ACVR1: variants seen among roughly 807,000 people sequenced by gnomAD.
ACVR1 encodes the protein activin receptor type-1.
A neutral mutation model predicts 57.1 loss-of-function variants in ACVR1; 38 were observed. The observed-to-expected ratio is 0.67, with a 90% confidence interval of 0.51 to 0.87. ACVR1 has a LOEUF of 0.87. Ranked by LOEUF, ACVR1 falls within the 40% of genes least tolerant of loss-of-function variation. The probability of loss-of-function intolerance (pLI) is 0.00; values close to 1 mark genes in which losing one functional copy is unlikely to be tolerated. For synonymous variants in ACVR1, 212 were observed against 228.1 expected (o/e 0.93, Z 0.63); for missense variants, 463 against 638.2 (o/e 0.73, Z 2.96).
At chr2:157,750,855 A>C (rs1037682503) in intron 9 of ACVR1, among the ~76,000 whole-genome samples, 2 of 152,174 alleles carry the variant, frequency 1.3e-5, no homozygotes, top group Non-Finnish European at 2.9e-5. Context: ...AAATTGGAAA[A>C]ACAATTCACG....
chr2:157,848,782 T>C lies in ACVR1; in HGVS notation c.-183+27014A>G, dbSNP rs547123355. Among the ~76,000 whole-genome samples the C allele has an allele frequency of 1.1e-4, 16 of 152,264 alleles. No individual in the cohort carries two copies. The South Asian group carries it at 3.3e-3, about 32-fold the overall frequency. On this transcript the variant is annotated intron_variant, in intron 1 of 10. Transcript: ENST00000434821. ...CAGTTTAATATTTCTTGTATCTATA[T>C]AATGGTGAGCAGTTGATGGTTGAAA...
intron 1 of ACVR1, among the ~76,000 whole-genome samples, chr2:157,840,503 T>C (rs1181170830): frequency 6.6e-6 from 1 of 152,094 alleles, no homozygotes; most frequent in Non-Finnish European, 1.5e-5. Context: ...CCATATACCT[T>C]AATGTGAGCT....
Position 157,813,191 on chromosome 2 carries a change from G to GA in ACVR1, c.-8+5193dup, listed in dbSNP as rs903899706. Among the ~76,000 whole-genome samples, 86 of 140,124 alleles carry GA rather than the reference G, an allele frequency of 6.1e-4. 1 individual carries two copies. The highest frequency in any genetic ancestry group is 6.9e-4 in the Non-Finnish European group (44 of 63,690). The allele number at this position is 140,124 out of a possible 152,430, so 91.9% of individuals were successfully genotyped here. A position where few individuals can be genotyped will look rare whatever the true frequency, so the allele number is the denominator to read the frequency against. On this transcript the variant is annotated intron_variant, in intron 2 of 10. Transcript: ENST00000434821. ...ATGGGGAGACTTACCCCATGAAAAAGAAAAAAAAAAACTAAGCCTCAAAAG... is the reference window on the plus strand; with the variant it reads ...ATGGGGAGACTTACCCCATGAAAAAGAAAAAAAAAAAACTAAGCCTCAAAAG...
At chr2:157,843,712 C>G (rs1325853034) in intron 1 of ACVR1, among the ~76,000 whole-genome samples, 1 of 152,076 alleles carries the variant, frequency 6.6e-6, no homozygotes, top group East Asian at 1.9e-4. Flanking sequence ...CTAGGCCAAC[C>G]CTGCAATAGA....
intron 1 of ACVR1, among the ~76,000 whole-genome samples, chr2:157,831,478 G>T (rs1559083230): frequency 6.6e-6 from 1 of 151,938 alleles, no homozygotes; most frequent in African/African-American, 2.4e-5. Flanking sequence ...TCAAAATAAT[G>T]AGGGTGGCAG....
In ACVR1 at chr2:157,736,457, A is replaced by G. The variant is rs1684534028; in HGVS notation, c.*1074T>C. 2 of 181,240 alleles carry G rather than the reference A, an allele frequency of 1.1e-5. No homozygotes were observed. The highest frequency in any genetic ancestry group is 4.7e-5 in the African/African-American group (2 of 42,914). 11.2% of individuals were successfully genotyped at this position (181,240 alleles called of 1,614,324 possible). ...AAACAATTTCACTGTTTGACTTGAA[A>G]ACAGTTTATTTAATTTATACAAATA... On this transcript the variant is annotated 3_prime_UTR_variant, in exon 11 of 11. Transcript: ENST00000434821.
intron 2 of ACVR1, among the ~76,000 whole-genome samples, chr2:157,803,909 A>ATT (rs138771390): frequency 2.0e-5 from 3 of 149,538 alleles, no homozygotes; most frequent in African/African-American, 7.4e-5. Flanking sequence ...ATACTACCTT[A>ATT]TTTTTTTTTT....
intron 4 of ACVR1, 60 bp downstream of exon 4, chr2:157,780,277 C>G: frequency 6.2e-7 from 1 of 1,610,434 alleles, no homozygotes; most frequent in Admixed American, 1.7e-5. Flanking sequence ...TTAACCCACA[C>G]GGACCCAGGA....
intron 1 of ACVR1, among the ~76,000 whole-genome samples, chr2:157,850,505 A>T (rs924783598): frequency 1.3e-5 from 2 of 152,142 alleles, no homozygotes; most frequent in African/African-American, 4.8e-5. Flanking sequence ...GCAAACCCTA[A>T]TAGTAAGAAC....
Position 157,780,602 on chromosome 2 carries a change from T to G in ACVR1, c.68-2A>C. ...TGGGGTTGACCTTGGGCTTCTCATCTGCAAAGGAGAGAAAGGAAGGGGAAA... is the reference window on the plus strand; with the variant it reads ...TGGGGTTGACCTTGGGCTTCTCATCGGCAAAGGAGAGAAAGGAAGGGGAAA... On this transcript the variant is annotated splice_acceptor_variant, in intron 3 of 10. Transcript: ENST00000434821. LOFTEE classifies it high-confidence loss of function. 1 of 1,613,132 alleles carries G rather than the reference T, an allele frequency of 6.2e-7. No individual in the cohort carries two copies.
intron 1 of ACVR1, among the ~76,000 whole-genome samples, chr2:157,844,293 G>A (rs1689063622): frequency 6.6e-6 from 1 of 152,132 alleles, no homozygotes; most frequent in African/African-American, 2.4e-5. Flanking sequence ...CCAAGTAACA[G>A]TGACAGCTCT....
chr2:157,794,724 T>C (rs1395518160), intron 3 of ACVR1, among the ~76,000 whole-genome samples: 1 of 152,146 alleles, frequency 6.6e-6, no homozygotes, highest in Non-Finnish European at 1.5e-5. Context: ...CAATATCTGG[T>C]GCATTTTAAG....
At chr2:157,826,610 C>G (rs1276846306) in intron 1 of ACVR1, 1 of 132,334 alleles carries the variant, frequency 7.6e-6, no homozygotes, top group Non-Finnish European at 1.5e-5. Context: ...GCTATGGTCA[C>G]AGCACTGCAT....
At chr2:157,794,100 A>C (rs1156551935) in intron 3 of ACVR1, among the ~76,000 whole-genome samples, 1 of 152,260 alleles carries the variant, frequency 6.6e-6, no homozygotes, top group Non-Finnish European at 1.5e-5. Flanking sequence ...CCAAAGGAGC[A>C]ATATTCCCTT....
intron 2 of ACVR1, among the ~76,000 whole-genome samples, chr2:157,805,813 CTTTTTTCTTTTTTTTTTT>C (rs1687503034): frequency 1.0e-5 from 1 of 96,874 alleles, no homozygotes; most frequent in South Asian, 4.2e-4. Context: ...TTTTTTTTTT[CTTTTTTCTTTTTTTTTTT>C]TTTTTTTTTT....
chr2:157,767,800 G>T (rs962261122), intron 7 of ACVR1, among the ~76,000 whole-genome samples: 1 of 152,090 alleles, frequency 6.6e-6, no homozygotes, highest in Non-Finnish European at 1.5e-5. Flanking sequence ...TCTGAATTTA[G>T]TGCTAGCTGT....
intron 1 of ACVR1, among the ~76,000 whole-genome samples, chr2:157,871,556 G>A (rs1332106049): frequency 6.6e-6 from 1 of 152,144 alleles, no homozygotes; most frequent in East Asian, 1.9e-4. Flanking sequence ...AGAAATAAAG[G>A]CCAAATACCC....
chr2:157,807,010 A>G (rs2105315525), intron 2 of ACVR1: 1 of 152,340 alleles, frequency 6.6e-6, no homozygotes, highest in Admixed American at 6.5e-5. Context: ...TAGTTAGAGG[A>G]AATAATTATG....
chr2:157,856,924 TAC>T (rs1204180683), intron 1 of ACVR1, among the ~76,000 whole-genome samples: 1 of 152,112 alleles, frequency 6.6e-6, no homozygotes, highest in Non-Finnish European at 1.5e-5. Context: ...CTGGGCCAGG[TAC>T]AGTGGTTTAC....
Sources: gnomAD v4.1 joint callset for allele counts (sites outside exome capture counted in the v4.1 genomes callset) on GRCh38, gnomAD v4.1.1 for gene constraint, MANE v1.5 for transcripts, NCBI Gene and HGNC (gene_info 2026-07-23, HGNC 2026-07-21) for gene names.